ANKRD42: variants seen among roughly 807,000 people sequenced by gnomAD.
ANKRD42 encodes ankyrin repeat domain-containing protein 42.
A neutral mutation model predicts 51.5 loss-of-function variants in ANKRD42; 43 were observed. The ratio of observed to expected loss-of-function variants is 0.83; its 90% CI spans 0.65 to 1.08. The LOEUF is 1.08. Among genes scored for constraint, ANKRD42 ranks in the 50% least tolerant of loss-of-function variants. The probability of loss-of-function intolerance (pLI) is 0.00; values close to 1 mark genes in which losing one functional copy is unlikely to be tolerated. For missense variants in ANKRD42, 608 were observed against 629.3 expected, an observed-to-expected ratio of 0.97 and a Z score of 0.36; for synonymous variants, 203 against 213.0, an observed-to-expected ratio of 0.95 and a Z score of 0.41.
At chr11:83,208,749 A>G (rs901101221) in intron 3 of ANKRD42, among the ~76,000 whole-genome samples, 1 of 152,218 alleles carries the variant, frequency 6.6e-6, no homozygotes, top group African/African-American at 2.4e-5. Context: ...GTTGAGTTCA[A>G]TTTGGCATAC....
Position 83,194,404 on chromosome 11 carries a change from G to T in ANKRD42, c.-267G>T, listed in dbSNP as rs745354121. On this transcript the variant is annotated 5_prime_UTR_variant, in exon 1 of 11. Transcript: ENST00000533342. The stretch of plus-strand genomic sequence containing the variant: ...TTGGGAGGAAGTAAGTGGAGACCGC[G>T]GCTACGCAGCCAGCGACTCCTCTGG... The T allele has an allele frequency of 1.2e-5, 8 of 671,920 alleles. No homozygotes were observed. Among genetic ancestry groups the T allele is most frequent in the South Asian group, 1.1e-4 (7 of 66,482 alleles). The allele number at this position is 671,920 out of a possible 1,614,324, so 41.6% of individuals were successfully genotyped here.
Position 83,198,002 on chromosome 11 carries a change from T to G in ANKRD42, c.59-477T>G, listed in dbSNP as rs186322849. Among the ~76,000 whole-genome samples, 32 of 152,320 alleles carry G rather than the reference T, an allele frequency of 2.1e-4. No homozygotes were observed. The East Asian group carries it at 6.0e-3, about 28-fold the overall frequency. Reference sequence around the variant, plus strand: ...CTGGCTTTTCACAATGGTAACCTGGTGAGGTTTCTGAAGGTAAAATCTATG... The same window carrying G: ...CTGGCTTTTCACAATGGTAACCTGGGGAGGTTTCTGAAGGTAAAATCTATG... On this transcript the variant is annotated intron_variant, in intron 1 of 10. Transcript: ENST00000533342.
chr11:83,214,501 G>A, intron 5 of ANKRD42: 1 of 979,296 alleles, frequency 1.0e-6, no homozygotes, highest in Non-Finnish European at 1.2e-6. Context: ...TTATAACCAG[G>A]TAGAGTATTT....
At chr11:83,211,564 A>T in intron 5 of ANKRD42, 134 bp downstream of exon 5, 1 of 987,042 alleles carries the variant, frequency 1.0e-6, no homozygotes, top group Admixed American at 2.5e-5. Flanking sequence ...TGAGAGGCTG[A>T]GGCTGGAGGA....
intron 3 of ANKRD42, among the ~76,000 whole-genome samples, chr11:83,206,383 C>T (rs920484783): frequency 8.5e-5 from 13 of 152,070 alleles, no homozygotes; most frequent in Admixed American, 1.3e-4. Flanking sequence ...TGGCTGTCTG[C>T]GTTGTTTTAA....
intron 1 of ANKRD42, among the ~76,000 whole-genome samples, chr11:83,194,969 C>A (rs1376741093): frequency 6.6e-6 from 1 of 152,200 alleles, no homozygotes; most frequent in Non-Finnish European, 1.5e-5. Context: ...AGCTTGACAT[C>A]AACTCTTGTT....
At chr11:83,240,338 A>G (rs1161979581) in intron 8 of ANKRD42, among the ~76,000 whole-genome samples, 1 of 152,252 alleles carries the variant, frequency 6.6e-6, no homozygotes, top group Non-Finnish European at 1.5e-5. Context: ...AGCTATATTA[A>G]TAGTTAGCCC....
intron 1 of ANKRD42, 36 bp downstream of exon 1, chr11:83,194,764 T>TA: frequency 6.5e-7 from 1 of 1,535,152 alleles, no homozygotes; most frequent in Non-Finnish European, 8.7e-7. Flanking sequence ...ATCTCTGTCG[T>TA]ATTCCTTTTC....
chr11:83,264,034 A>G (rs766336355), downstream of ANKRD42, among the ~76,000 whole-genome samples: 5 of 152,180 alleles, frequency 3.3e-5, no homozygotes, highest in Admixed American at 1.3e-4. Context: ...TTTTGACCCC[A>G]AATTTTAAAT....
chr11:83,196,690 A>C (rs1490324718), intron 1 of ANKRD42, among the ~76,000 whole-genome samples: 2 of 152,136 alleles, frequency 1.3e-5, no homozygotes, highest in Non-Finnish European at 2.9e-5. Flanking sequence ...CTAATCTGTG[A>C]GTTCCTTGAG....
chr11:83,227,327 G>A (rs1862917848), intron 6 of ANKRD42, among the ~76,000 whole-genome samples: 1 of 151,904 alleles, frequency 6.6e-6, no homozygotes, highest in African/African-American at 2.4e-5. Context: ...TGGCCAGGCT[G>A]GTCTTGAACT....
At chr11:83,219,218 T>TC (rs1862637868) in intron 5 of ANKRD42, among the ~76,000 whole-genome samples, 1 of 152,212 alleles carries the variant, frequency 6.6e-6, no homozygotes, top group African/African-American at 2.4e-5. Context: ...TTCCTGAGTC[T>TC]TCCATCTACC....
rs1257257960 is a variant in ANKRD42, at chr11:83,194,290, G to A, written c.-381G>A. 2 of 485,280 alleles carry A rather than the reference G, an allele frequency of 4.1e-6. No homozygotes were observed. The highest frequency in any genetic ancestry group is 1.9e-5 in the African/African-American group (1 of 51,344). 30.1% of individuals were successfully genotyped at this position (485,280 alleles called of 1,614,324 possible). On this transcript the variant is annotated 5_prime_UTR_variant, in exon 1 of 11. Transcript: ENST00000533342. ...TCGGGACCCGCGAACTAGTGACTTC[G>A]GGGATAGAGTCAGTGACGATCGCAG...
intron 1 of ANKRD42, among the ~76,000 whole-genome samples, chr11:83,197,638 T>C (rs565516893): frequency 6.6e-6 from 1 of 152,216 alleles, no homozygotes. Context: ...ATTTAGAGAA[T>C]GCTGAAGTTG....
intron 1 of ANKRD42, among the ~76,000 whole-genome samples, chr11:83,195,433 G>A (rs527984729): frequency 3.3e-5 from 5 of 152,148 alleles, no homozygotes; most frequent in Non-Finnish European, 7.4e-5. Context: ...GTCAGAAAAA[G>A]CATTCTAATA....
downstream of ANKRD42, among the ~76,000 whole-genome samples, chr11:83,250,258 T>C (rs965508109): frequency 2.0e-5 from 3 of 152,210 alleles, no homozygotes; most frequent in African/African-American, 7.2e-5. Context: ...TCTGCAATAG[T>C]ATAATTTTTA....
chr11:83,216,492 T>C (rs983601335), intron 5 of ANKRD42, among the ~76,000 whole-genome samples: 1 of 151,930 alleles, frequency 6.6e-6, no homozygotes, highest in Non-Finnish European at 1.5e-5. Context: ...GCCCGGCTAA[T>C]TTTTTGTATT....
chr11:83,228,259 TTTTTTTTTTTA>T, intron 7 of ANKRD42, among the ~76,000 whole-genome samples: 4 of 129,732 alleles, frequency 3.1e-5, no homozygotes, highest in African/African-American at 9.2e-5. Flanking sequence ...TTTTTTTTTT[TTTTTTTTTTTA>T]GACCGGGTCT....
intron 2 of ANKRD42, 54 bp from the exon 3 acceptor site, chr11:83,206,004 T>G (rs1862055189): frequency 6.8e-7 from 1 of 1,472,638 alleles, no homozygotes; most frequent in Non-Finnish European, 9.4e-7. Context: ...ATTTAAAAGA[T>G]AAAAATGTTA....
Sources: allele counts gnomAD v4.1 joint callset (sites outside exome capture counted in the v4.1 genomes callset), GRCh38; gene constraint gnomAD v4.1.1; transcripts MANE v1.5; gene names NCBI Gene and HGNC (gene_info 2026-07-23, HGNC 2026-07-21).